Variants in AMPH observed in about 807,000 individuals in gnomAD.
The protein encoded by AMPH is amphiphysin, also known as amphiphysin (Stiff-Mann syndrome with breast cancer 128kD autoantigen).
In AMPH, 49 loss-of-function variants were observed where a neutral mutation model predicts 99.1. That is an observed-to-expected ratio of 0.49 (90% confidence interval 0.39 to 0.63). AMPH has a LOEUF of 0.63. AMPH is among the 20% of genes least tolerant of loss of function. The pLI, the probability that AMPH is intolerant of heterozygous loss-of-function variation, is 0.00. For synonymous variants in AMPH, 314 were observed against 317.3 expected, an observed-to-expected ratio of 0.99 and a Z score of 0.11; for missense variants, 759 against 863.4, an observed-to-expected ratio of 0.88 and a Z score of 1.52.
At chr7:38,512,950 G>A (rs1429845025) in intron 2 of AMPH, among the ~76,000 whole-genome samples, 1 of 152,184 alleles carries the variant, frequency 6.6e-6, no homozygotes, top group African/African-American at 2.4e-5. Flanking sequence ...ACTTGCCAGT[G>A]AGGAAAGAGG....
chr7:38,560,565 T>C (rs760416468), intron 1 of AMPH, among the ~76,000 whole-genome samples: 1 of 152,234 alleles, frequency 6.6e-6, no homozygotes, highest in African/African-American at 2.4e-5. Context: ...GTATTATCAG[T>C]AGCACAACGT....
At chr7:38,525,445 C>CGTGTGTGTGTGTGT (rs146505083) in intron 2 of AMPH, among the ~76,000 whole-genome samples, 11 of 125,418 alleles carry the variant, frequency 8.8e-5, no homozygotes, top group East Asian at 4.4e-4. Flanking sequence ...CTCATTTGTG[C>CGTGTGTGTGTGTGT]GTGTGTGTGT....
At chr7:38,415,581 A>C (rs73348871) in intron 17 of AMPH, among the ~76,000 whole-genome samples, 3,453 of 152,286 alleles carry the variant, frequency 0.023, 113 homozygotes, top group African/African-American at 0.079. Flanking sequence ...GGAAACAAAA[A>C]TACATTTTAT....
intron 14 of AMPH, chr7:38,429,455 G>T (rs142677178): frequency 7.7e-7 from 1 of 1,300,308 alleles, no homozygotes; most frequent in Non-Finnish European, 1.0e-6. Flanking sequence ...CTGTACTAGC[G>T]TCAGGGCCCC....
rs1166766491 is a variant in AMPH at position 38,385,779 on chromosome 7, A to C, written c.1981-854T>G. 2.0e-5 allele frequency among the ~76,000 whole-genome samples: 3 copies of C among 152,196 alleles called. No individual in the cohort carries two copies. The South Asian group carries it at 6.2e-4, about 31-fold the overall frequency. Reference sequence around the variant, plus strand: ...GATGATACTTAAAACTGAGAAACAGAGGCTGTGGTCTGCCCTTGGCTTCCT... The same window carrying C: ...GATGATACTTAAAACTGAGAAACAGCGGCTGTGGTCTGCCCTTGGCTTCCT... On this transcript the variant is annotated intron_variant, in intron 20 of 20. Transcript: ENST00000356264.
chr7:38,500,549 T>C (rs539386030), intron 3 of AMPH, among the ~76,000 whole-genome samples: 1 of 152,158 alleles, frequency 6.6e-6, no homozygotes, highest in East Asian at 1.9e-4. Context: ...ATTATGCCAG[T>C]CTCTATAAGC....
intron 1 of AMPH, among the ~76,000 whole-genome samples, chr7:38,563,373 C>T (rs1489952825): frequency 1.3e-5 from 2 of 152,182 alleles, no homozygotes; most frequent in South Asian, 2.1e-4. Flanking sequence ...TTAACAAACA[C>T]ATCATGATTA....
intron 14 of AMPH, chr7:38,429,096 A>G (rs796601207): frequency 2.3e-6 from 3 of 1,290,076 alleles, no homozygotes; most frequent in South Asian, 2.5e-5. Flanking sequence ...AGAATCTTCC[A>G]TCTTCTGTTT....
At chr7:38,386,474 T>A (rs1271718550) in intron 20 of AMPH, among the ~76,000 whole-genome samples, 1 of 152,074 alleles carries the variant, frequency 6.6e-6, no homozygotes, top group Non-Finnish European at 1.5e-5. Flanking sequence ...GAAAGACAAC[T>A]TGTAAAGAAT....
intron 2 of AMPH, among the ~76,000 whole-genome samples, chr7:38,506,421 G>A (rs761958722): frequency 1.3e-5 from 2 of 152,200 alleles, no homozygotes; most frequent in Non-Finnish European, 2.9e-5. Context: ...CCAAGTGGTG[G>A]TCAAGCAACG....
chr7:38,407,665 G>A (rs1490936118), intron 17 of AMPH, among the ~76,000 whole-genome samples: 1 of 151,580 alleles, frequency 6.6e-6, no homozygotes, highest in Non-Finnish European at 1.5e-5. Context: ...ATACACTAAG[G>A]TAAATTATAC....
intron 1 of AMPH, among the ~76,000 whole-genome samples, chr7:38,597,460 T>C (rs1021512713): frequency 6.6e-6 from 1 of 152,176 alleles, no homozygotes; most frequent in Non-Finnish European, 1.5e-5. Context: ...GTAAAACATA[T>C]GTTATACAGT....
chr7:38,429,068 C>T (rs1002713339), intron 14 of AMPH: 3 of 1,290,376 alleles, frequency 2.3e-6, no homozygotes, highest in South Asian at 1.2e-5. Context: ...TTTGACACGC[C>T]TCCACACCTG....
At chr7:38,498,781 A>G (rs1182382537) in intron 3 of AMPH, among the ~76,000 whole-genome samples, 1 of 152,072 alleles carries the variant, frequency 6.6e-6, no homozygotes, top group Non-Finnish European at 1.5e-5. Context: ...TCTAACAATG[A>G]CTCTCCTGTC....
intron 1 of AMPH, among the ~76,000 whole-genome samples, chr7:38,535,891 C>A (rs370750420): frequency 5.9e-5 from 9 of 152,302 alleles, no homozygotes; most frequent in African/African-American, 1.7e-4. Context: ...TCACCGGCCA[C>A]AAACTGGTAC....
chr7:38,582,422 T>C (rs1792500569), intron 1 of AMPH, among the ~76,000 whole-genome samples: 1 of 152,184 alleles, frequency 6.6e-6, no homozygotes, highest in Admixed American at 6.5e-5. Flanking sequence ...TATTAGATCA[T>C]GTCCAGGCAC....
At chr7:38,486,206 C>T (rs1449744748) in intron 5 of AMPH, among the ~76,000 whole-genome samples, 3 of 140,318 alleles carry the variant, frequency 2.1e-5, no homozygotes, top group Non-Finnish European at 3.1e-5. Context: ...TTTATCTAAA[C>T]TAAATAAGAT....
At chr7:38,511,179 G>T (rs1789526169) in intron 2 of AMPH, among the ~76,000 whole-genome samples, 1 of 152,148 alleles carries the variant, frequency 6.6e-6, no homozygotes, top group Non-Finnish European at 1.5e-5. Context: ...CTCAGGAAAT[G>T]CTGGATAACA....
At chr7:38,579,567 C>T (rs1237193205) in intron 1 of AMPH, among the ~76,000 whole-genome samples, 4 of 152,192 alleles carry the variant, frequency 2.6e-5, no homozygotes, top group African/African-American at 9.7e-5. Context: ...GACTTATGTT[C>T]AGGTATCGGT....
Sources: allele counts gnomAD v4.1 joint callset (sites outside exome capture counted in the v4.1 genomes callset), GRCh38; gene constraint gnomAD v4.1.1; transcripts MANE v1.5; gene names NCBI Gene and HGNC (gene_info 2026-07-23, HGNC 2026-07-21).